FAM228B: variants seen among roughly 807,000 people sequenced by gnomAD.
FAM228B encodes protein FAM228B.
Under a neutral mutation model 42.6 loss-of-function variants are expected in FAM228B, and 38 were observed. That is an observed-to-expected ratio of 0.89 (90% CI 0.69 to 1.17). The LOEUF is 1.17. Ranked by LOEUF, FAM228B falls within the 50% of genes most tolerant of loss-of-function variation. FAM228B has a pLI of 0.00. For synonymous variants in FAM228B, 109 were observed against 122.3 expected (o/e 0.89, Z 0.72); for missense variants, 344 against 367.3 (o/e 0.94, Z 0.52).
intron 5 of FAM228B, among the ~76,000 whole-genome samples, chr2:24,143,481 A>G (rs1339882440): frequency 2.6e-5 from 4 of 152,216 alleles, no homozygotes; most frequent in Admixed American, 6.5e-5. Flanking sequence ...GGCATGAACC[A>G]TCATGCCTGG....
At chr2:24,159,336 G>T (rs762029421) in intron 7 of FAM228B, among the ~76,000 whole-genome samples, 17 of 152,088 alleles carry the variant, frequency 1.1e-4, no homozygotes, top group Non-Finnish European at 1.9e-4. Context: ...ATTCACAATC[G>T]AATAGAGAAG....
rs1360587353 is a variant in FAM228B, at chr2:24,095,464, C to G, written c.-121+235C>G. Reference sequence around the variant, plus strand: ...CAGACAAGGAGATTCTCTCCCATGCCTGGCTCGGCGGGTTCCACACCCACG... The same window carrying G: ...CAGACAAGGAGATTCTCTCCCATGCGTGGCTCGGCGGGTTCCACACCCACG... On this transcript the variant is annotated intron_variant, in intron 3 of 10. Coordinates refer to the FAM228B transcript ENST00000613899. This position sits in a 1 kb window ranked among gnomAD's most constrained non-coding sequence, Gnocchi z 4.8. 6.6e-6 allele frequency: 1 copy of G among 152,324 alleles called. No individual in the cohort carries two copies. Among genetic ancestry groups the G allele is most frequent in the Admixed American group, 6.5e-5 (1 of 15,290 alleles). The allele number at this position is 152,324 out of a possible 1,614,324, so 9.4% of individuals were successfully genotyped here.
chr2:24,088,519 T>G (rs893163554), intron 2 of FAM228B, among the ~76,000 whole-genome samples: 5 of 151,942 alleles, frequency 3.3e-5, no homozygotes, highest in Non-Finnish European at 7.4e-5. Context: ...CCCGGCTAAT[T>G]TTTGCATATT....
At chr2:24,161,735 G>T in intron 8 of FAM228B, 122 bp downstream of exon 8, 1 of 664,654 alleles carries the variant, frequency 1.5e-6, no homozygotes, top group Non-Finnish European at 2.7e-6. Flanking sequence ...CTCCATTGTG[G>T]CAGGACACCG....
chr2:24,083,000 C>T (rs371573889), intron 2 of FAM228B: 61 of 1,614,096 alleles, frequency 3.8e-5, no homozygotes, highest in Non-Finnish European at 5.0e-5. Context: ...CAGTGACGTA[C>T]TGAGCCTGGC....
intron 1 of FAM228B, among the ~76,000 whole-genome samples, chr2:24,123,874 G>C (rs1666220111): frequency 6.6e-6 from 1 of 152,142 alleles, no homozygotes. Context: ...CCCGTGCCTC[G>C]GGGAGGACTT....
chr2:24,080,902 T>G lies in FAM228B; in HGVS notation c.-263T>G. On this transcript the variant is annotated 5_prime_UTR_variant, in exon 2 of 11. Transcript: ENST00000613899. This position sits in a 1 kb window ranked among gnomAD's most constrained non-coding sequence, Gnocchi z 4.7. ...AGCTGCTCCAAGCTTTTCTGCCATT[T>G]GAAGCTTCTTCTGGGAGCCAGCTGT... 1.2e-6 allele frequency: 2 copies of G among 1,614,244 alleles called. No individual in the cohort carries two copies. The highest frequency in any genetic ancestry group is 1.7e-6 in the Non-Finnish European group (2 of 1,180,042).
chr2:24,086,673 A>G (rs182626927), intron 2 of FAM228B, among the ~76,000 whole-genome samples: 18 of 152,248 alleles, frequency 1.2e-4, no homozygotes, highest in African/African-American at 4.1e-4. Context: ...GCAAGTTTCT[A>G]TCTGCAATCT....
chr2:24,148,221 A>C (rs1338444224), intron 7 of FAM228B, among the ~76,000 whole-genome samples: 1 of 151,990 alleles, frequency 6.6e-6, no homozygotes, highest in Non-Finnish European at 1.5e-5. Context: ...CTCCTTCCTC[A>C]GTTTTCAGCT....
intron 2 of FAM228B, among the ~76,000 whole-genome samples, chr2:24,125,653 C>T (rs1019246613): frequency 1.4e-4 from 21 of 152,004 alleles, no homozygotes; most frequent in African/African-American, 4.4e-4. Flanking sequence ...CTCTACCTCC[C>T]GGGTTCAAGT....
chr2:24,137,059 A>G (rs1666608443), intron 3 of FAM228B, among the ~76,000 whole-genome samples: 1 of 152,182 alleles, frequency 6.6e-6, no homozygotes, highest in African/African-American at 2.4e-5. Flanking sequence ...TCACTTTGGC[A>G]TACTCTTTTC....
At position 24,161,625 on chromosome 2, in the gene FAM228B, C is replaced by T. The variant is rs1382630693; in HGVS notation, c.794+12C>T. 2.8e-6 allele frequency: 4 copies of T among 1,410,760 alleles called. No homozygotes were observed. Among genetic ancestry groups the T allele is most frequent in the African/African-American group, 1.4e-5 (1 of 70,798 alleles). 87.4% of individuals were successfully genotyped at this position (1,410,760 alleles called of 1,614,324 possible). A position where few individuals can be genotyped will look rare whatever the true frequency, so the allele number is the denominator to read the frequency against. On this transcript the variant is annotated intron_variant, in intron 8 of 10. Coordinates refer to ENST00000615575, the MANE Select transcript of FAM228B (RefSeq NM_001145710.2). ...ACAGTTATTTACAAGTAAGTCTGTT[C>T]TTCCATAGCTTTGCTCTTCTTTTGC...
chr2:24,155,528 T>C (rs1356597676), intron 7 of FAM228B, among the ~76,000 whole-genome samples: 1 of 15,500 alleles, frequency 6.5e-5, no homozygotes, highest in African/African-American at 1.7e-4. Context: ...TATATATATA[T>C]ATATTTTTTT....
intron 7 of FAM228B, among the ~76,000 whole-genome samples, chr2:24,151,076 G>A (rs1667010071): frequency 6.6e-6 from 1 of 151,802 alleles, no homozygotes; most frequent in East Asian, 1.9e-4. Context: ...GCACTTTTGA[G>A]GCTATTTCCT....
At chr2:24,138,509 A>AT (rs1666661867) in intron 4 of FAM228B, among the ~76,000 whole-genome samples, 1 of 151,800 alleles carries the variant, frequency 6.6e-6, no homozygotes, top group Admixed American at 6.6e-5. Flanking sequence ...CTAATTTTGT[A>AT]TTTTTAGTAG....
chr2:24,167,993 G>A, intron 10 of FAM228B: 1 of 300,536 alleles, frequency 3.3e-6, no homozygotes, highest in South Asian at 4.3e-5. Context: ...GACTGTCTCT[G>A]GCTCTAAGCA....
In FAM228B at chr2:24,080,587, A is replaced by G. The variant is rs1354201424; in HGVS notation, c.-289-289A>G. On this transcript the variant is annotated intron_variant, in intron 1 of 10. Coordinates refer to the FAM228B transcript ENST00000613899. The surrounding 1 kb of genome is among the most constrained non-coding windows in gnomAD (Gnocchi z 4.7). ...TCCAGACCAAGTCTGCATGGTCTAA[A>G]GTGTGGATGAATCTTATCTCTTGCA... is the stretch of plus-strand genomic sequence containing the variant. 6.6e-6 allele frequency among the ~76,000 whole-genome samples: 1 copy of G among 152,202 alleles called. No individual in the cohort carries two copies. Among genetic ancestry groups the G allele is most frequent in the Non-Finnish European group, 1.5e-5 (1 of 68,030 alleles).
chr2:24,126,744 G>A (rs1376114448), intron 2 of FAM228B, among the ~76,000 whole-genome samples: 3 of 151,796 alleles, frequency 2.0e-5, no homozygotes, highest in African/African-American at 7.3e-5. Flanking sequence ...CCAAGTAGCT[G>A]GGACTACAGG....
intron 5 of FAM228B, among the ~76,000 whole-genome samples, chr2:24,146,185 T>C (rs1666889860): frequency 6.6e-6 from 1 of 152,184 alleles, no homozygotes; most frequent in African/African-American, 2.4e-5. Flanking sequence ...CCTTTTAAGC[T>C]TGTGGTAGAA....
Sources: allele counts gnomAD v4.1 joint callset (sites outside exome capture counted in the v4.1 genomes callset), GRCh38; gene constraint gnomAD v4.1.1; non-coding constraint Gnocchi (gnomAD v3.1); transcripts MANE v1.5; gene names NCBI Gene and HGNC (gene_info 2026-07-23, HGNC 2026-07-21).